AGO3: variants seen among roughly 807,000 people sequenced by gnomAD.
The protein encoded by AGO3 is protein argonaute-3.
A neutral mutation model predicts 105.5 loss-of-function variants in AGO3; 16 were observed. The observed-to-expected ratio is 0.15, with a 90% CI of 0.10 to 0.23. AGO3 has a LOEUF of 0.23. Among genes scored for constraint, AGO3 ranks in the 10% least tolerant of loss-of-function variants. AGO3 has a pLI of 1.00. For synonymous variants in AGO3, 340 were observed against 367.3 expected (o/e 0.93, Z 0.85); for missense variants, 534 against 1,088.0 (o/e 0.49, Z 7.16).
chr1:36,035,801 G>A (rs1641975270), intron 13 of AGO3, among the ~76,000 whole-genome samples: 1 of 152,188 alleles, frequency 6.6e-6, no homozygotes, highest in Non-Finnish European at 1.5e-5. Flanking sequence ...GGGAGGCCAA[G>A]GCAGGTGGAT....
intron 2 of AGO3, among the ~76,000 whole-genome samples, chr1:35,958,210 G>T (rs911375739): frequency 6.6e-6 from 1 of 151,726 alleles, no homozygotes; most frequent in Non-Finnish European, 1.5e-5. Flanking sequence ...GTGAAATCCC[G>T]TTTCTACTAA....
chr1:35,965,684 T>C (rs1476454316), intron 2 of AGO3, among the ~76,000 whole-genome samples: 2 of 151,824 alleles, frequency 1.3e-5, no homozygotes, highest in African/African-American at 4.8e-5. Context: ...AAAACAAAAT[T>C]GAAAAGGGAG....
At chr1:35,972,390 G>A (rs12096413) in intron 4 of AGO3, among the ~76,000 whole-genome samples, 158 bp downstream of exon 4, 13,290 of 152,124 alleles carry the variant, frequency 0.087, 2,016 homozygotes, top group East Asian at 0.67. Context: ...ACAGGAGTAC[G>A]TTACAGAAAA....
chr1:36,006,994 G>A (rs1490466915), intron 6 of AGO3, among the ~76,000 whole-genome samples: 1 of 152,162 alleles, frequency 6.6e-6, no homozygotes, highest in Admixed American at 6.5e-5. Context: ...GACATTTTGG[G>A]CTGGATAATT....
chr1:36,047,235 C>T (rs1642512197), intron 17 of AGO3, among the ~76,000 whole-genome samples: 1 of 151,644 alleles, frequency 6.6e-6, no homozygotes, highest in Admixed American at 6.6e-5. Context: ...AAGAGCGAAA[C>T]TCTGCCTAAA....
At chr1:36,046,774 T>A (rs1181494557) in intron 17 of AGO3, among the ~76,000 whole-genome samples, 1 of 151,790 alleles carries the variant, frequency 6.6e-6, no homozygotes, top group Non-Finnish European at 1.5e-5. Flanking sequence ...AGCAGTGCCC[T>A]GCATATCAGG....
At chr1:35,992,461 C>G (rs1437607705) in intron 5 of AGO3, among the ~76,000 whole-genome samples, 2 of 152,144 alleles carry the variant, frequency 1.3e-5, no homozygotes, top group African/African-American at 4.8e-5. Context: ...TTTCATCTTT[C>G]AGAATGTTGA....
chr1:36,034,434 T>G, intron 13 of AGO3, 101 bp downstream of exon 13: 1 of 790,536 alleles, frequency 1.3e-6, no homozygotes, highest in Non-Finnish European at 1.7e-6. Context: ...AGAGACCCCC[T>G]TAATAATTCC....
In AGO3 at chr1:35,953,570, G is replaced by C. The variant is rs370116154; in HGVS notation, c.191+7707G>C. ...AGACAGAGTCTTACTCTATTGCCCA[G>C]GCTGGAGTGCAGTGGCACGATCTTA... On this transcript the variant is annotated intron_variant, in intron 2 of 18. Transcript: ENST00000373191. 7.3e-5 allele frequency among the ~76,000 whole-genome samples: 11 copies of C among 149,674 alleles called. No individual in the cohort carries two copies. In the East Asian group the frequency reaches 2.1e-3, roughly 29 times the overall value.
chr1:35,945,777 C>T lies in AGO3; in HGVS notation c.105C>T (p.Asn35=), dbSNP rs1646353774. 6.2e-7 allele frequency: 1 copy of T among 1,613,728 alleles called. No individual in the cohort carries two copies. The highest frequency in any genetic ancestry group is 8.5e-7 in the Non-Finnish European group (1 of 1,180,026). ...GCAAACCCATTAAACTGCTGGCTAA[C>T]TGTTTTCAAGTTGAAATCCCAAAGA... is the stretch of plus-strand genomic sequence containing the variant. ...TMGKPIKLLA[N]CFQVEIPKID... is the part of the protein sequence containing the mutation. The change falls in exon 2 of 19, where the codon AAC becomes AAT. Residue 35 remains asparagine, a synonymous_variant. Coordinates refer to ENST00000373191, the MANE Select transcript of AGO3 (RefSeq NM_024852.4).
At chr1:36,012,072 C>T (rs1418851985) in intron 9 of AGO3, among the ~76,000 whole-genome samples, 1 of 152,042 alleles carries the variant, frequency 6.6e-6, no homozygotes, top group African/African-American at 2.4e-5. Context: ...ATGGGGCTTA[C>T]ACCTGTAACC....
chr1:35,949,145 G>A (rs1225053847), intron 2 of AGO3, among the ~76,000 whole-genome samples: 1 of 152,118 alleles, frequency 6.6e-6, no homozygotes, highest in Non-Finnish European at 1.5e-5. Flanking sequence ...GTTTCTCCAT[G>A]TTGGTCAGTC....
chr1:35,964,968 G>GT (rs920317365), intron 2 of AGO3, among the ~76,000 whole-genome samples: 27 of 147,836 alleles, frequency 1.8e-4, no homozygotes, highest in African/African-American at 3.7e-4. Context: ...TTGTTAATGG[G>GT]TTTTTTTTTT....
chr1:36,052,984 C>A (rs1642778860), intron 17 of AGO3, among the ~76,000 whole-genome samples: 1 of 151,508 alleles, frequency 6.6e-6, no homozygotes. Context: ...ATAAATAAAT[C>A]CTATATGACT....
intron 1 of AGO3, among the ~76,000 whole-genome samples, chr1:35,935,819 A>G (rs1646136793): frequency 6.6e-6 from 1 of 152,260 alleles, no homozygotes; most frequent in Non-Finnish European, 1.5e-5. Flanking sequence ...GAATTAAAAT[A>G]TTATTAATCT....
intron 1 of AGO3, among the ~76,000 whole-genome samples, chr1:35,937,597 A>G (rs1356574157): frequency 6.6e-6 from 1 of 152,046 alleles, no homozygotes; most frequent in African/African-American, 2.4e-5. Flanking sequence ...AGCTGAGACA[A>G]GAGAATTGCT....
chr1:35,985,882 A>T (rs1034827457), intron 5 of AGO3, among the ~76,000 whole-genome samples: 1 of 152,210 alleles, frequency 6.6e-6, no homozygotes, highest in Non-Finnish European at 1.5e-5. Flanking sequence ...GAACAGATAA[A>T]TTGAAAAATA....
Position 35,977,249 on chromosome 1 carries a change from A to C in AGO3, c.658+3738A>C, listed in dbSNP as rs141020230. On this transcript the variant is annotated intron_variant, in intron 5 of 18. Coordinates refer to ENST00000373191, the MANE Select transcript of AGO3 (RefSeq NM_024852.4). ...TATACATCTAGTATGTACCCATAAA[A>C]ATTTTTTTTTAATTAAAAAAAAAAG... Among the ~76,000 whole-genome samples, 1,374 of 148,914 alleles carry C rather than the reference A, an allele frequency of 9.2e-3. 22 individuals are homozygous for C. Among genetic ancestry groups the C allele is most frequent in the African/African-American group, 0.032 (1,284 of 40,198 alleles).
chr1:35,982,018 T>G (rs965895924), intron 5 of AGO3, among the ~76,000 whole-genome samples: 7 of 152,230 alleles, frequency 4.6e-5, no homozygotes, highest in Non-Finnish European at 7.3e-5. Context: ...ATTTTTTGTT[T>G]TTAACATTGT....
Sources: allele counts gnomAD v4.1 joint callset (sites outside exome capture counted in the v4.1 genomes callset), GRCh38; gene constraint gnomAD v4.1.1; transcripts MANE v1.5; gene names NCBI Gene and HGNC (gene_info 2026-07-23, HGNC 2026-07-21).